GSG1: variants seen among roughly 807,000 people sequenced by gnomAD.
GSG1 encodes the protein germ cell-specific gene 1 protein.
A neutral mutation model predicts 30.8 loss-of-function variants in GSG1; 28 were observed. The observed-to-expected ratio is 0.91, with a 90% confidence interval of 0.67 to 1.25. GSG1 has a LOEUF of 1.25. Ranked by LOEUF, GSG1 falls within the 50% of genes most tolerant of loss-of-function variation. GSG1 has a pLI of 0.00. For synonymous variants in GSG1, 162 were observed against 178.0 expected, an observed-to-expected ratio of 0.91 and a Z score of 0.71; for missense variants, 435 against 444.7, an observed-to-expected ratio of 0.98 and a Z score of 0.20.
chr12:13,091,619 A>T (rs1048167815), intron 1 of GSG1, among the ~76,000 whole-genome samples: 1 of 152,172 alleles, frequency 6.6e-6, no homozygotes, highest in African/African-American at 2.4e-5. Flanking sequence ...TGGGAGGATC[A>T]CCTGAGCCCA....
chr12:13,085,215 T>C lies in GSG1; in HGVS notation c.775A>G (p.Met259Val), dbSNP rs375900523. ...TTGAAGGTGGTGACAGCCGACGCCA[T>C]GCAGCAGGTGAAGGAGAGCCAGGCC... Reference protein sequence around the residue: ...YMAWLSFTCCMASAVTTFNTY... With the variant: ...YMAWLSFTCCVASAVTTFNTY... Residue 259 changes from methionine to valine, a missense_variant, in exon 7 of 7, where the codon ATG (methionine) becomes GTG (valine). Met to Val is a conservative substitution (Grantham distance 21). Transcript: ENST00000651961. The C allele has an allele frequency of 1.2e-6, 2 of 1,609,554 alleles. No individual in the cohort carries two copies. Among genetic ancestry groups the C allele is most frequent in the Admixed American group, 1.7e-5 (1 of 59,854 alleles).
At position 13,101,147 on chromosome 12, in the gene GSG1, C is replaced by A. The variant is rs1279314248; in HGVS notation, c.48+2318G>T. 6.8e-6 allele frequency among the ~76,000 whole-genome samples: 1 copy of A among 147,876 alleles called. No individual in the cohort carries two copies. Among genetic ancestry groups the A allele is most frequent in the Non-Finnish European group, 1.5e-5 (1 of 66,748 alleles). On this transcript the variant is annotated intron_variant, in intron 1 of 6. Transcript: ENST00000651961. The surrounding 1 kb of genome is among the most constrained non-coding windows in gnomAD (Gnocchi z 5.8). Reference sequence around the variant, plus strand: ...CGCGCGGGTGACGGCGCCAGCAGGCCGGCTGGGGCCGGGGGCGCTTGGGGA... The same window carrying A: ...CGCGCGGGTGACGGCGCCAGCAGGCAGGCTGGGGCCGGGGGCGCTTGGGGA...
intron 1 of GSG1, among the ~76,000 whole-genome samples, chr12:13,092,703 C>G (rs1224388283): frequency 6.6e-6 from 1 of 152,158 alleles, no homozygotes; most frequent in African/African-American, 2.4e-5. Flanking sequence ...ATTAGACACT[C>G]AACACTAAAC....
intron 6 of GSG1, among the ~76,000 whole-genome samples, chr12:13,086,260 A>C (rs983976939): frequency 1.3e-5 from 2 of 152,200 alleles, no homozygotes; most frequent in African/African-American, 4.8e-5. Context: ...AAAGGTGAGA[A>C]GTGCTGGATC....
At chr12:13,096,212 G>A (rs1271964038) in intron 1 of GSG1, among the ~76,000 whole-genome samples, 1 of 152,054 alleles carries the variant, frequency 6.6e-6, no homozygotes, top group East Asian at 1.9e-4. Flanking sequence ...GGTGGATCAC[G>A]CCTGTAATCC....
chr12:13,100,292 G>A (rs910613356), intron 1 of GSG1, among the ~76,000 whole-genome samples: 1 of 152,224 alleles, frequency 6.6e-6, no homozygotes, highest in African/African-American at 2.4e-5. Context: ...ATTCACGTAT[G>A]TAAGAGCAGC....
Position 13,090,780 on chromosome 12 carries a change from G to C in GSG1, c.87C>G (p.Leu29=). The change falls in exon 2 of 7, where the codon CTC becomes CTG. Residue 29 remains leucine, a synonymous_variant. Transcript: ENST00000651961. The part of the protein sequence containing the change: ...LSKAFSGQRT[L]LSAILSMLSL... ...ATAGCATGCTGAGGATGGCAGATAG[G>C]AGTGTCCGCTGGCCAGAGAAGGCCT... is the stretch of plus-strand genomic sequence containing the variant. 3 of 1,614,024 alleles carry C rather than the reference G, an allele frequency of 1.9e-6. No individual in the cohort carries two copies. The highest frequency in any genetic ancestry group is 2.5e-6 in the Non-Finnish European group (3 of 1,179,946).
intron 1 of GSG1, among the ~76,000 whole-genome samples, chr12:13,094,160 C>G (rs1319096448): frequency 6.6e-6 from 1 of 152,176 alleles, no homozygotes; most frequent in Non-Finnish European, 1.5e-5. Context: ...AATTTCCCTC[C>G]CTTATCACAC....
At chr12:13,088,699 T>C in intron 4 of GSG1, 163 bp downstream of exon 4, 1 of 1,581,934 alleles carries the variant, frequency 6.3e-7, no homozygotes, top group Non-Finnish European at 8.6e-7. Context: ...GAGGCCCAAG[T>C]CAATGGTAAC....
At position 13,093,291 on chromosome 12, in the gene GSG1, C is replaced by G. The variant is rs1475349798; in HGVS notation, c.49-2473G>C. Among the ~76,000 whole-genome samples the G allele has an allele frequency of 1.3e-5, 2 of 152,150 alleles. No individual in the cohort carries two copies. The highest frequency in any genetic ancestry group is 2.9e-5 in the Non-Finnish European group (2 of 68,018). On this transcript the variant is annotated intron_variant, in intron 1 of 6. Coordinates refer to ENST00000651961, the MANE Select transcript of GSG1 (RefSeq NM_001080555.4). The surrounding 1 kb of genome is among the most constrained non-coding windows in gnomAD (Gnocchi z 4.6). ...TTGTGATAATCGTTTTTGGCTTTGT[C>G]TTCACTGACAGGTAGTAGCACTGAC...
chr12:13,090,425 C>T (rs1399245933), intron 2 of GSG1, 78 bp downstream of exon 2: 5 of 1,390,800 alleles, frequency 3.6e-6, no homozygotes, highest in Admixed American at 1.9e-5. Context: ...CTAAGCGGGC[C>T]TACCTGATTT....
chr12:13,091,329 C>G (rs1565537628), intron 1 of GSG1, among the ~76,000 whole-genome samples: 1 of 152,212 alleles, frequency 6.6e-6, no homozygotes, highest in Non-Finnish European at 1.5e-5. Flanking sequence ...CTGCCCCACA[C>G]CCAGAAGGAA....
chr12:13,101,060 C>G lies in GSG1; in HGVS notation c.48+2405G>C, dbSNP rs896908761. 6.6e-6 allele frequency among the ~76,000 whole-genome samples: 1 copy of G among 152,206 alleles called. No homozygotes were observed. Among genetic ancestry groups the G allele is most frequent in the Non-Finnish European group, 1.5e-5 (1 of 68,050 alleles). ...AGGAAGCCGCCTTTCTTCCAGGCCC[C>G]AAGCAGCTGGAGTGAATCAGAGGGG... On this transcript the variant is annotated intron_variant, in intron 1 of 6. Coordinates refer to ENST00000651961, the MANE Select transcript of GSG1 (RefSeq NM_001080555.4). The surrounding 1 kb of genome is among the most constrained non-coding windows in gnomAD (Gnocchi z 5.8).
chr12:13,094,169 A>G (rs1212900609), intron 1 of GSG1, among the ~76,000 whole-genome samples: 5 of 152,152 alleles, frequency 3.3e-5, no homozygotes, highest in African/African-American at 1.2e-4. Context: ...CCCTTATCAC[A>G]CCCAGCTTAC....
At chr12:13,100,638 A>G (rs950803538) in intron 1 of GSG1, among the ~76,000 whole-genome samples, 3 of 152,192 alleles carry the variant, frequency 2.0e-5, no homozygotes, top group African/African-American at 4.8e-5. Flanking sequence ...CTCTAACTGC[A>G]ATGTTTACAT....
chr12:13,099,743 TTTTTTTG>T (rs1478389789), intron 1 of GSG1, among the ~76,000 whole-genome samples: 1 of 119,170 alleles, frequency 8.4e-6, no homozygotes, highest in East Asian at 2.9e-4. Context: ...ATCCGGTGTT[TTTTTTTG>T]TTTTTTTTTT....
chr12:13,101,475 C>G lies in GSG1; in HGVS notation c.48+1990G>C, dbSNP rs1414489922. On this transcript the variant is annotated intron_variant, in intron 1 of 6. Transcript: ENST00000651961. The surrounding 1 kb of genome is among the most constrained non-coding windows in gnomAD (Gnocchi z 5.8). ...TTCCTCCGTCGGTTGAGAACGGTGTCCCGGGGGCCCTCCCAGAGAGCAGGG... is the reference window on the plus strand; with the variant it reads ...TTCCTCCGTCGGTTGAGAACGGTGTGCCGGGGGCCCTCCCAGAGAGCAGGG... 6.6e-6 allele frequency among the ~76,000 whole-genome samples: 1 copy of G among 152,214 alleles called. No homozygotes were observed. The highest frequency in any genetic ancestry group is 2.4e-5 in the African/African-American group (1 of 41,464).
chr12:13,089,061 G>T, intron 3 of GSG1, 147 bp downstream of exon 3: 1 of 1,266,538 alleles, frequency 7.9e-7, no homozygotes. Context: ...CTGGGTGAAT[G>T]AATGGCACAG....
intron 1 of GSG1, among the ~76,000 whole-genome samples, chr12:13,099,753 T>TTTTTG (rs1565551105): frequency 2.6e-5 from 3 of 116,836 alleles, no homozygotes; most frequent in Non-Finnish European, 4.6e-5. Context: ...TTTTTTTGTT[T>TTTTTG]TTTTTTTTTT....
Sources: allele counts gnomAD v4.1 joint callset (sites outside exome capture counted in the v4.1 genomes callset), GRCh38; gene constraint gnomAD v4.1.1; non-coding constraint Gnocchi (gnomAD v3.1); transcripts MANE v1.5; gene names NCBI Gene and HGNC (gene_info 2026-07-23, HGNC 2026-07-21).